The following SLC15A2 variants were observed in gnomAD, a reference collection of about 807,000 sequenced individuals.
The protein encoded by SLC15A2 is solute carrier family 15 member 2, also known as kidney H(+)/peptide cotransporter.
SLC15A2 carries 77 observed loss-of-function variants against 95.5 expected under a neutral mutation model. That is an observed-to-expected ratio of 0.81 (90% CI 0.67 to 0.97). SLC15A2 has a LOEUF of 0.97. Among genes scored for constraint, SLC15A2 ranks in the 50% least tolerant of loss-of-function variants. SLC15A2 has a pLI of 0.00. For missense variants in SLC15A2, 893 were observed against 874.4 expected (o/e 1.02, Z -0.27); for synonymous variants, 306 against 306.9 (o/e 1.00, Z 0.03).
rs767827422 is a variant in SLC15A2 at position 121,940,894 on chromosome 3, G to A, written c.2077G>A (p.Gly693Ser). Reference sequence around the variant, plus strand: ...GATCTGCCTGATCTTCTCCATCATGGGCTACTACTATGTTCCTGTAAAGAC... The same window carrying A: ...GATCTGCCTGATCTTCTCCATCATGAGCTACTACTATGTTCCTGTAAAGAC... Reference protein sequence around the residue: ...LVICLIFSIMGYYYVPVKTED... With the variant: ...LVICLIFSIMSYYYVPVKTED... The change falls in exon 22 of 22, where the codon GGC (glycine) becomes AGC (serine). Residue 693 changes from glycine to serine, a missense_variant. Transcript: ENST00000489711. 6.2e-7 allele frequency: 1 copy of A among 1,613,902 alleles called. No individual in the cohort carries two copies.
At chr3:121,912,647 T>A (rs1396615877) in intron 4 of SLC15A2, among the ~76,000 whole-genome samples, 2 of 152,286 alleles carry the variant, frequency 1.3e-5, no homozygotes, top group Non-Finnish European at 2.9e-5. Flanking sequence ...TAAGAATATG[T>A]GAGATCAGGT....
chr3:121,895,190 A>T (rs3805132), intron 1 of SLC15A2: 8 of 152,228 alleles, frequency 5.3e-5, no homozygotes, highest in East Asian at 3.9e-4. Context: ...GAGTTCTTAC[A>T]GTGGGCCAAA....
intron 3 of SLC15A2, among the ~76,000 whole-genome samples, chr3:121,901,238 C>T (rs966229185): frequency 3.3e-5 from 5 of 152,036 alleles, no homozygotes; most frequent in African/African-American, 1.2e-4. Context: ...AGGCTGGTCT[C>T]GAACTCGACC....
At chr3:121,922,056 A>G (rs905815369) in intron 7 of SLC15A2, among the ~76,000 whole-genome samples, 164 bp from the exon 8 acceptor site, 2 of 152,244 alleles carry the variant, frequency 1.3e-5, no homozygotes, top group Admixed American at 1.3e-4. Context: ...CCACTCCCAC[A>G]GTTCAGCATT....
At chr3:121,896,259 A>C (rs1406361441) in intron 1 of SLC15A2, 147 bp from the exon 2 acceptor site, 8 of 651,320 alleles carry the variant, frequency 1.2e-5, no homozygotes, top group Non-Finnish European at 2.2e-5. Context: ...GTGTTACCTA[A>C]TAGGTGTGTC....
At chr3:121,938,221 T>C (rs1247280049) in intron 19 of SLC15A2, among the ~76,000 whole-genome samples, 2 of 151,048 alleles carry the variant, frequency 1.3e-5, no homozygotes, top group African/African-American at 4.9e-5. Context: ...TCTTTTTGTT[T>C]GTCTGTGCCC....
chr3:121,925,066 T>C, intron 13 of SLC15A2, 33 bp downstream of exon 13: 1 of 1,393,830 alleles, frequency 7.2e-7, no homozygotes, highest in Non-Finnish European at 1.0e-6. Flanking sequence ...TGGATTACTC[T>C]AAATTGACTC....
Position 121,924,402 on chromosome 3 carries a change from G to C in SLC15A2, c.1035+19G>C. ...GATGCAGGTATGTGACTCTTCTATA[G>C]CCATGGGGACTTATTTGTTTCCTTA... On this transcript the variant is annotated intron_variant, in intron 12 of 21. Transcript: ENST00000489711. 6.2e-7 allele frequency: 1 copy of C among 1,609,844 alleles called. No individual in the cohort carries two copies. The highest frequency in any genetic ancestry group is 8.5e-7 in the Non-Finnish European group (1 of 1,176,496).
chr3:121,944,035 G>GA lies in SLC15A2; in HGVS notation c.*3034dup, dbSNP rs1270700985. 1 of 152,138 alleles carries GA rather than the reference G, an allele frequency of 6.6e-6. No individual in the cohort carries two copies. The highest frequency in any genetic ancestry group is 1.5e-5 in the Non-Finnish European group (1 of 68,012). The allele number at this position is 152,138 out of a possible 1,614,324, so 9.4% of individuals were successfully genotyped here. On this transcript the variant is annotated 3_prime_UTR_variant, in exon 22 of 22. Transcript: ENST00000489711. Reference sequence around the variant, plus strand: ...AAAAAGTGAATGACATAATTCATTTGAAAAAATGTGGACACACAAATTGGA... The same window carrying GA: ...AAAAAGTGAATGACATAATTCATTTGAAAAAAATGTGGACACACAAATTGGA...
At position 121,924,938 on chromosome 3, in the gene SLC15A2, G is replaced by A. The variant is rs768468358; in HGVS notation, c.1036-7G>A. 6.3e-7 allele frequency: 1 copy of A among 1,590,054 alleles called. No homozygotes were observed. Among genetic ancestry groups the A allele is most frequent in the Non-Finnish European group, 8.6e-7 (1 of 1,157,924 alleles). On this transcript the variant is annotated splice_region_variant and splice_polypyrimidine_tract_variant and intron_variant, in intron 12 of 21. Transcript: ENST00000489711. ...TGTAGCTAATCCTTTTTATCATGGT[G>A]TTACAGGTTCTAAATCCCCTTCTGG...
At chr3:121,928,957 T>C (rs1710175333) in intron 15 of SLC15A2, 25 bp from the exon 16 acceptor site, 1 of 1,610,984 alleles carries the variant, frequency 6.2e-7, no homozygotes, top group Non-Finnish European at 8.5e-7. Context: ...TACGTGACCT[T>C]CATTTTATAT....
chr3:121,924,836 A>G (rs528805335), intron 12 of SLC15A2, 109 bp from the exon 13 acceptor site: 3 of 808,738 alleles, frequency 3.7e-6, no homozygotes, highest in African/African-American at 1.7e-5. Flanking sequence ...TTACAATGAC[A>G]AAAGTGTGTG....
At chr3:121,905,303 C>A (rs1709612680) in intron 3 of SLC15A2, among the ~76,000 whole-genome samples, 2 of 152,144 alleles carry the variant, frequency 1.3e-5, no homozygotes, top group African/African-American at 4.8e-5. Flanking sequence ...AAACCAGCTC[C>A]TGGATTCGTT....
intron 15 of SLC15A2, 52 bp downstream of exon 15, chr3:121,928,607 G>T: frequency 3.8e-6 from 6 of 1,562,482 alleles, no homozygotes; most frequent in Non-Finnish European, 5.2e-6. Flanking sequence ...TATTGATCTT[G>T]ATTTTTCCTT....
rs1710459183 is a variant in SLC15A2 at position 121,941,204 on chromosome 3, C to A, written c.*197C>A. The A allele has an allele frequency of 4.0e-6, 2 of 498,972 alleles. No homozygotes were observed. Among genetic ancestry groups the A allele is most frequent in the Non-Finnish European group, 3.5e-6 (1 of 282,820 alleles). 30.9% of individuals were successfully genotyped at this position (498,972 alleles called of 1,614,324 possible). A position where few individuals can be genotyped will look rare whatever the true frequency, so the allele number is the denominator to read the frequency against. ...CCCAGAGACTCTATGTCTGCCCGTC[C>A]ATCAGTGAACTCATTAAAACTTGTG... On this transcript the variant is annotated 3_prime_UTR_variant, in exon 22 of 22. Transcript: ENST00000489711.
chr3:121,932,769 CTAT>C lies in SLC15A2; in HGVS notation c.1761+1041_1761+1043del, dbSNP rs747871233. On this transcript the variant is annotated intron_variant, in intron 19 of 21. Transcript: ENST00000489711. ...ATCCCTTTGGTGTGCCATTTTTTTT[CTAT>C]TATTATACTTTAAGTTTTAGGGTAC... Among the ~76,000 whole-genome samples the C allele has an allele frequency of 2.6e-5, 4 of 151,824 alleles. No individual in the cohort carries two copies. In the East Asian group the frequency reaches 7.7e-4, roughly 29 times the overall value.
intron 17 of SLC15A2, among the ~76,000 whole-genome samples, chr3:121,930,040 C>T (rs757300046): frequency 6.6e-6 from 1 of 152,092 alleles, no homozygotes; most frequent in South Asian, 2.1e-4. Context: ...TTTGAATATG[C>T]TTCAAAAAAA....
intron 11 of SLC15A2, 91 bp from the exon 12 acceptor site, chr3:121,924,260 A>T: frequency 2.8e-6 from 3 of 1,060,700 alleles, no homozygotes; most frequent in Non-Finnish European, 2.9e-6. Context: ...TATGTTTCTC[A>T]CTTGCTAACT....
intron 19 of SLC15A2, among the ~76,000 whole-genome samples, chr3:121,937,054 G>A (rs1434248238): frequency 6.8e-6 from 1 of 148,074 alleles, no homozygotes; most frequent in Non-Finnish European, 1.5e-5. Flanking sequence ...GAAATTCTGG[G>A]TTGAAAATTC....
Sources: allele counts gnomAD v4.1 joint callset (sites outside exome capture counted in the v4.1 genomes callset), GRCh38; gene constraint gnomAD v4.1.1; transcripts MANE v1.5; gene names NCBI Gene and HGNC (gene_info 2026-07-23, HGNC 2026-07-21).